SGO2: variants seen among roughly 807,000 people sequenced by gnomAD.
SGO2 encodes shugoshin 2.
In SGO2, 68 loss-of-function variants were observed where a neutral mutation model predicts 99.5. The observed-to-expected ratio is 0.68, with a 90% CI of 0.56 to 0.84. The LOEUF (loss-of-function observed/expected upper bound fraction) is 0.84, where lower values mean the gene tolerates loss of function less well. SGO2 is among the 40% of genes least tolerant of loss of function. The pLI is 0.00. For missense variants in SGO2, 1,350 were observed against 1,436.7 expected (o/e 0.94, Z 0.97); for synonymous variants, 457 against 487.1 (o/e 0.94, Z 0.81).
intron 1 of SGO2, chr2:200,532,212 A>G (rs2031422559): frequency 6.0e-6 from 1 of 166,674 alleles, no homozygotes; most frequent in Non-Finnish European, 1.2e-5. Flanking sequence ...GACTCAAGGC[A>G]GGTAGTGGTG....
chr2:200,568,461 C>T (rs1296863894), intron 5 of SGO2, among the ~76,000 whole-genome samples: 1 of 152,174 alleles, frequency 6.6e-6, no homozygotes, highest in Non-Finnish European at 1.5e-5. Context: ...AAATAAGCAA[C>T]ATCTGAAATC....
chr2:200,548,248 G>A (rs930672446), intron 5 of SGO2, among the ~76,000 whole-genome samples: 7 of 151,640 alleles, frequency 4.6e-5, no homozygotes, highest in Non-Finnish European at 8.8e-5. Context: ...ATCTGTACAA[G>A]TTCAAAAAAA....
At position 200,571,796 on chromosome 2, in the gene SGO2, A is replaced by G; in HGVS notation, c.1450A>G (p.Arg484Gly). The part of the protein sequence containing the change: ...TLQTGFEQGD[R>G]ENVLCNKKEK... Reference sequence around the variant, plus strand: ...TCAAACTGGCTTTGAACAAGGTGACAGAGAAAATGTACTGTGTAATAAAAA... The same window carrying G: ...TCAAACTGGCTTTGAACAAGGTGACGGAGAAAATGTACTGTGTAATAAAAA... Residue 484 changes from arginine (R) to glycine (G), a missense_variant, in exon 7 of 9, where the codon AGA becomes GGA. By Grantham distance (125) the Arg-to-Gly change is moderately radical. Transcript: ENST00000357799. 3.7e-6 allele frequency: 6 copies of G among 1,613,674 alleles called. No individual in the cohort carries two copies. In the Middle Eastern group the frequency reaches 6.6e-4, roughly 178 times the overall value.
At position 200,573,454 on chromosome 2, in the gene SGO2, C is replaced by G; in HGVS notation, c.3108C>G (p.Asn1036Lys). ...GTGAAGCAGATTCTGATCCAGGAAACCCAGTTGAACTATGTAAGACTCAGA... is the reference window on the plus strand; with the variant it reads ...GTGAAGCAGATTCTGATCCAGGAAAGCCAGTTGAACTATGTAAGACTCAGA... ...ITSEADSDPG[N>K]PVELCKTQKQ... The change falls in exon 7 of 9, where the codon AAC becomes AAG. Residue 1036 changes from asparagine (N) to lysine (K), a missense_variant. Asn to Lys is a moderately conservative substitution (Grantham distance 94). Transcript: ENST00000357799. 6.2e-7 allele frequency: 1 copy of G among 1,610,548 alleles called. No individual in the cohort carries two copies. Among genetic ancestry groups the G allele is most frequent in the South Asian group, 1.1e-5 (1 of 89,966 alleles).
intron 1 of SGO2, among the ~76,000 whole-genome samples, chr2:200,530,721 C>T (rs1444367739): frequency 6.6e-5 from 10 of 152,282 alleles, no homozygotes; most frequent in African/African-American, 2.4e-4. Context: ...CAAGGAAATA[C>T]AATTTTTGAG....
rs532384522 is a variant in SGO2, at chr2:200,564,568, C to T, written c.474-5095C>T. ...TTGGAGTGGAGAGTTCTGTAGATGT[C>T]TATTAGGTCTGCTTGGTGCAGAGCT... is the stretch of plus-strand genomic sequence containing the variant. On this transcript the variant is annotated intron_variant, in intron 5 of 8. Transcript: ENST00000357799. 3.9e-5 allele frequency among the ~76,000 whole-genome samples: 6 copies of T among 152,286 alleles called. No homozygotes were observed. In the East Asian group the frequency reaches 1.2e-3, roughly 29 times the overall value.
At chr2:200,581,546 C>T (rs2106355717) in intron 8 of SGO2, among the ~76,000 whole-genome samples, 1 of 152,246 alleles carries the variant, frequency 6.6e-6, no homozygotes, top group East Asian at 1.9e-4. Context: ...ATGAGACCTT[C>T]CTGATAACTC....
chr2:200,568,720 C>T (rs1351349190), intron 5 of SGO2, among the ~76,000 whole-genome samples: 1 of 152,156 alleles, frequency 6.6e-6, no homozygotes, highest in African/African-American at 2.4e-5. Context: ...GGCTGTAAAA[C>T]AATGGGAAAC....
At chr2:200,563,780 G>C (rs1429729074) in intron 5 of SGO2, among the ~76,000 whole-genome samples, 1 of 152,178 alleles carries the variant, frequency 6.6e-6, no homozygotes, top group Non-Finnish European at 1.5e-5. Context: ...TCCTGGTTTA[G>C]TCTTGGGAGT....
At chr2:200,536,946 A>G (rs1204359330) in intron 4 of SGO2, among the ~76,000 whole-genome samples, 3 of 152,008 alleles carry the variant, frequency 2.0e-5, no homozygotes, top group Non-Finnish European at 2.9e-5. Flanking sequence ...GCTTTCATCT[A>G]TTTCTTTATA....
intron 5 of SGO2, among the ~76,000 whole-genome samples, chr2:200,546,753 TC>T (rs2032236663): frequency 6.6e-6 from 1 of 152,060 alleles, no homozygotes; most frequent in Non-Finnish European, 1.5e-5. Flanking sequence ...CTTTAGAGGT[TC>T]TTAACAGCAG....
In SGO2 at chr2:200,542,554, TTTTC is replaced by T. The variant is rs537344880; in HGVS notation, c.388-21_388-18del. ...TGATTTAATAAGGTTAGAAACTTTG[TTTTC>T]TTTATTTTTTTCAAAAATAGTTCCA... On this transcript the variant is annotated intron_variant, in intron 4 of 8. Transcript: ENST00000357799. 3,109 of 1,580,474 alleles carry T rather than the reference TTTTC, an allele frequency of 2.0e-3. 60 individuals are homozygous for T. In the African/African-American group the frequency reaches 0.037, roughly 19 times the overall value.
intron 8 of SGO2, among the ~76,000 whole-genome samples, chr2:200,579,893 TTAATGAAATAATTTA>T (rs2033783313): frequency 6.6e-6 from 1 of 152,202 alleles, no homozygotes; most frequent in Non-Finnish European, 1.5e-5. Context: ...CTTGGTTCCT[TTAATGAAATAATTTA>T]TATTTCATTA....
intron 4 of SGO2, among the ~76,000 whole-genome samples, chr2:200,538,346 G>A (rs1232599136): frequency 3.3e-5 from 5 of 152,166 alleles, no homozygotes; most frequent in African/African-American, 4.8e-5. Context: ...TGTTCTGTCT[G>A]CATGTGACAA....
intron 7 of SGO2, 42 bp downstream of exon 7, chr2:200,574,019 G>A (rs1195788243): frequency 6.9e-7 from 1 of 1,456,062 alleles, no homozygotes; most frequent in East Asian, 2.4e-5. Flanking sequence ...TTTTAGAAGT[G>A]TTTTGTTTTT....
At chr2:200,527,412 G>T (rs557505358) in intron 1 of SGO2, among the ~76,000 whole-genome samples, 2 of 152,290 alleles carry the variant, frequency 1.3e-5, no homozygotes, top group East Asian at 1.9e-4. Context: ...AGTTTGTGGG[G>T]AGTTTCTGTG....
intron 5 of SGO2, among the ~76,000 whole-genome samples, chr2:200,550,638 G>A (rs1478529106): frequency 6.6e-6 from 1 of 152,164 alleles, no homozygotes; most frequent in African/African-American, 2.4e-5. Context: ...ACTATATGCA[G>A]AAGAATGAAA....
chr2:200,557,824 G>A (rs2032778423), intron 5 of SGO2, among the ~76,000 whole-genome samples: 2 of 150,558 alleles, frequency 1.3e-5, no homozygotes, highest in South Asian at 4.2e-4. Context: ...GTTTTGTCCA[G>A]GTTTTGGCTT....
At chr2:200,583,175 T>G (rs992853515) in intron 8 of SGO2, among the ~76,000 whole-genome samples, 5 of 152,208 alleles carry the variant, frequency 3.3e-5, no homozygotes. Context: ...ATGCTAAATT[T>G]CTAACAAAAA....
Sources: allele counts gnomAD v4.1 joint callset (sites outside exome capture counted in the v4.1 genomes callset), GRCh38; gene constraint gnomAD v4.1.1; transcripts MANE v1.5; gene names NCBI Gene and HGNC (gene_info 2026-07-23, HGNC 2026-07-21).